The following PPP2R2C variants were observed in gnomAD, a reference collection of about 807,000 sequenced individuals.
The protein encoded by PPP2R2C is protein phosphatase 2 regulatory subunit Bgamma.
A neutral mutation model predicts 45.3 loss-of-function variants in PPP2R2C; 10 were observed. That is an observed-to-expected ratio of 0.22 (90% confidence interval 0.14 to 0.37). The LOEUF (loss-of-function observed/expected upper bound fraction) is 0.37, where lower values mean the gene tolerates loss of function less well. Ranked by LOEUF, PPP2R2C falls within the 10% of genes least tolerant of loss-of-function variation. PPP2R2C has a pLI of 1.00. For missense variants in PPP2R2C, 308 were observed against 619.7 expected (o/e 0.50, Z 5.34); for synonymous variants, 257 against 245.4 (o/e 1.05, Z -0.44).
At chr4:6,435,037 T>C (rs1719826186) in intron 1 of PPP2R2C, among the ~76,000 whole-genome samples, 1 of 152,232 alleles carries the variant, frequency 6.6e-6, no homozygotes, top group South Asian at 2.1e-4. Context: ...TTTCAGTCCA[T>C]AAATTCAAAT....
chr4:6,558,914 C>T (rs1332013151), intron 1 of PPP2R2C, among the ~76,000 whole-genome samples: 1 of 152,196 alleles, frequency 6.6e-6, no homozygotes, highest in East Asian at 1.9e-4. Context: ...TCTGACCTTG[C>T]ACCCTCACAG....
At position 6,563,360 on chromosome 4, in the gene PPP2R2C, C is replaced by G. The variant is rs1725646440; in HGVS notation, c.-59+200G>C. Among the ~76,000 whole-genome samples the G allele has an allele frequency of 1.3e-5, 2 of 152,344 alleles. No homozygotes were observed. The highest frequency in any genetic ancestry group is 4.8e-5 in the African/African-American group (2 of 41,594). ...AGCAGAGCCAGCCCTGCCCCAGGAC[C>G]GCCCCGGGGTCGGTGCCCGGGCTCT... On this transcript the variant is annotated intron_variant, in intron 1 of 9. Coordinates refer to the PPP2R2C transcript ENST00000506140. This position sits in a 1 kb window ranked among gnomAD's most constrained non-coding sequence, Gnocchi z 5.8.
intron 2 of PPP2R2C, among the ~76,000 whole-genome samples, chr4:6,522,051 C>G (rs1724043056): frequency 6.6e-6 from 1 of 152,120 alleles, no homozygotes; most frequent in African/African-American, 2.4e-5. Flanking sequence ...AGTGTTGTTT[C>G]CAAACCTCAC....
intron 1 of PPP2R2C, among the ~76,000 whole-genome samples, chr4:6,444,381 TC>T (rs11303171): frequency 0.13 from 20,474 of 152,150 alleles, 1,452 homozygotes; most frequent in African/African-American, 0.17. Flanking sequence ...TATTCAGTCT[TC>T]CTGACAACCC....
At chr4:6,517,823 C>T (rs1245978334) in intron 2 of PPP2R2C, among the ~76,000 whole-genome samples, 1 of 152,152 alleles carries the variant, frequency 6.6e-6, no homozygotes, top group African/African-American at 2.4e-5. Context: ...ATACCAGTTC[C>T]CCTACCTACA....
At position 6,512,212 on chromosome 4, in the gene PPP2R2C, ATGGTGGTGTTGG is replaced by A. The variant is rs1560595093; in HGVS notation, c.49+23047_49+23058del. Among the ~76,000 whole-genome samples, 3 of 15,998 alleles carry A rather than the reference ATGGTGGTGTTGG, an allele frequency of 1.9e-4. No homozygotes were observed. In the Admixed American group the frequency reaches 2.0e-3, roughly 10 times the overall value. 10.5% of individuals were successfully genotyped at this position (15,998 alleles called of 152,430 possible). On this transcript the variant is annotated intron_variant, in intron 2 of 9. Transcript: ENST00000506140. ...GGTGGTGGTGGTGATGGTGGTGGTGATGGTGGTGTTGGTGGTGGTGATGGTGGGGGTGGTGGT... is the reference window on the plus strand; with the variant it reads ...GGTGGTGGTGGTGATGGTGGTGGTGATGGTGGTGATGGTGGGGGTGGTGGT...
At chr4:6,474,253 C>T (rs77811017), upstream of PPP2R2C, among the ~76,000 whole-genome samples, 2,223 of 151,854 alleles carry the variant, frequency 0.015, 28 homozygotes, top group Middle Eastern at 0.037. Context: ...CCCCTCACCT[C>T]TCTAGCTGGA....
intron 6 of PPP2R2C, among the ~76,000 whole-genome samples, chr4:6,343,666 G>C (rs577060582): frequency 6.6e-6 from 1 of 152,128 alleles, no homozygotes; most frequent in African/African-American, 2.4e-5. Flanking sequence ...GCTGCAGTGA[G>C]CCAAGATCGT....
chr4:6,477,757 G>T (rs2108776155), intron 2 of PPP2R2C, among the ~76,000 whole-genome samples: 1 of 141,874 alleles, frequency 7.0e-6, no homozygotes, highest in South Asian at 2.4e-4. Flanking sequence ...AAAAAAACTG[G>T]AACTGGACCT....
chr4:6,530,562 C>T (rs1044132335), intron 2 of PPP2R2C, among the ~76,000 whole-genome samples: 2 of 152,158 alleles, frequency 1.3e-5, no homozygotes, highest in Non-Finnish European at 2.9e-5. Flanking sequence ...GCAACTGAAC[C>T]TGCCCGCTGT....
chr4:6,490,259 C>T (rs1722658934), intron 2 of PPP2R2C, among the ~76,000 whole-genome samples: 1 of 152,158 alleles, frequency 6.6e-6, no homozygotes, highest in South Asian at 2.1e-4. Flanking sequence ...CTTATGTCCT[C>T]CATCTATAAA....
intron 2 of PPP2R2C, among the ~76,000 whole-genome samples, chr4:6,516,171 T>C (rs569679481): frequency 2.7e-4 from 41 of 152,370 alleles, no homozygotes; most frequent in Admixed American, 2.1e-3. Context: ...ATTCAACTCC[T>C]ATCCACATGC....
intron 1 of PPP2R2C, among the ~76,000 whole-genome samples, chr4:6,451,348 A>G (rs1384853642): frequency 6.6e-6 from 1 of 152,226 alleles, no homozygotes; most frequent in Non-Finnish European, 1.5e-5. Context: ...CACGGCCCAC[A>G]GCTTGCACCA....
chr4:6,444,988 C>A (rs572418083), intron 1 of PPP2R2C, among the ~76,000 whole-genome samples: 1 of 152,180 alleles, frequency 6.6e-6, no homozygotes, highest in Admixed American at 6.5e-5. Context: ...GGTTCCAGAT[C>A]AGTCTGGGCA....
At chr4:6,408,121 C>A (rs779590372) in intron 1 of PPP2R2C, among the ~76,000 whole-genome samples, 19 of 152,212 alleles carry the variant, frequency 1.2e-4, no homozygotes, top group Non-Finnish European at 4.4e-5. Flanking sequence ...ACATTTCTAT[C>A]GCTCAGCACT....
At position 6,518,922 on chromosome 4, in the gene PPP2R2C, TAAAAAAAAAAAA is replaced by T. The variant is rs56002128; in HGVS notation, c.49+16337_49+16348del. 3.8e-3 allele frequency among the ~76,000 whole-genome samples: 355 copies of T among 92,924 alleles called. 2 individuals are homozygous for T. The highest frequency in any genetic ancestry group is 0.019 in the African/African-American group (306 of 16,166). 61.0% of individuals were successfully genotyped at this position (92,924 alleles called of 152,430 possible). The stretch of plus-strand genomic sequence containing the variant: ...TGGGCAACAGAGCAAGACTCTGTCT[TAAAAAAAAAAAA>T]AAAAAAAAAAAAAAAAAAAGAATAG... On this transcript the variant is annotated intron_variant, in intron 2 of 9. Transcript: ENST00000506140.
chr4:6,457,431 G>A (rs760073878), intron 1 of PPP2R2C, among the ~76,000 whole-genome samples: 27 of 152,018 alleles, frequency 1.8e-4, no homozygotes, highest in Non-Finnish European at 3.7e-4. Context: ...GAGTACAGTG[G>A]TGCAATCATA....
chr4:6,338,048 A>AC (rs1733124877), intron 6 of PPP2R2C, among the ~76,000 whole-genome samples: 1 of 151,960 alleles, frequency 6.6e-6, no homozygotes, highest in Non-Finnish European at 1.5e-5. Context: ...ATACACACAC[A>AC]CACACCCCGC....
chr4:6,507,296 G>A lies in PPP2R2C; in HGVS notation c.49+27975C>T, dbSNP rs559394161. On this transcript the variant is annotated intron_variant, in intron 2 of 9. Coordinates refer to the PPP2R2C transcript ENST00000506140. ...TAAAAGGTTTGGCCTGGGTGATCTC[G>A]GAAGACCTTCCTGCCTCTGACTACA... is the stretch of plus-strand genomic sequence containing the variant. 4.0e-4 allele frequency among the ~76,000 whole-genome samples: 61 copies of A among 152,328 alleles called. 1 individual carries two copies. The Middle Eastern group carries it at 0.02, about 51-fold the overall frequency.
Sources: gnomAD v4.1 joint callset for allele counts (sites outside exome capture counted in the v4.1 genomes callset) on GRCh38, gnomAD v4.1.1 for gene constraint, Gnocchi (gnomAD v3.1) non-coding constraint, MANE v1.5 for transcripts, NCBI Gene and HGNC (gene_info 2026-07-23, HGNC 2026-07-21) for gene names.